Variants in GPAT3 observed in about 807,000 individuals in gnomAD.
GPAT3 encodes the protein 1-AGP acyltransferase 9.
Under a neutral mutation model 58.8 loss-of-function variants are expected in GPAT3, and 53 were observed. The ratio of observed to expected loss-of-function variants is 0.90; its 90% CI spans 0.72 to 1.13. GPAT3 has a LOEUF of 1.13. Among genes scored for constraint, GPAT3 ranks in the 50% most tolerant of loss-of-function variants. The pLI is 0.00. For missense variants in GPAT3, 511 were observed against 527.6 expected (o/e 0.97, Z 0.31); for synonymous variants, 197 against 187.4 (o/e 1.05, Z -0.42).
intron 2 of GPAT3, among the ~76,000 whole-genome samples, chr4:83,563,709 GACTTCAGGTGACC>G (rs1725272675): frequency 6.6e-6 from 1 of 151,906 alleles, no homozygotes. Flanking sequence ...TCGAACTCCT[GACTTCAGGTGACC>G]CACCCGCCTT....
chr4:83,593,897 G>T (rs527789785), intron 6 of GPAT3, among the ~76,000 whole-genome samples: 7 of 152,070 alleles, frequency 4.6e-5, no homozygotes, highest in Non-Finnish European at 1.0e-4. Flanking sequence ...AATATGTAGG[G>T]TATCAATATG....
Position 83,581,717 on chromosome 4 carries a change from G to A in GPAT3, c.364G>A (p.Val122Met), listed in dbSNP as rs1726137489. 2 of 1,614,216 alleles carry A rather than the reference G, an allele frequency of 1.2e-6. No individual in the cohort carries two copies. The change falls in exon 3 of 12, where the codon GTG becomes ATG. Residue 122 changes from valine to methionine, a missense_variant. By Grantham distance (21) the Val-to-Met change is conservative. Coordinates refer to ENST00000264409, the MANE Select transcript of GPAT3 (RefSeq NM_032717.5). ...CCAGAGGTTTTCCTCAGAGGAGCTA[G>A]TGTCATGGAATCTCCTCACAAGAAC... Reference protein sequence around the residue: ...VTQRFSSEELVSWNLLTRTNV... With the variant: ...VTQRFSSEELMSWNLLTRTNV...
chr4:83,587,260 C>A lies in GPAT3; in HGVS notation c.485C>A (p.Thr162Asn). The A allele has an allele frequency of 6.2e-7, 1 of 1,613,400 alleles. No homozygotes were observed. Among genetic ancestry groups the A allele is most frequent in the Non-Finnish European group, 8.5e-7 (1 of 1,179,770 alleles). ...RYCVLLPLRV[T>N]LAFIGISLLV... ...CCCTCTCTTTTCTTTTTCAGGGTTA[C>A]CTTGGCTTTCATTGGGATCAGTTTG... Residue 162 changes from threonine (T) to asparagine (N), a missense_variant, in exon 4 of 12, where the codon ACC becomes AAC. By Grantham distance (65) the Thr-to-Asn change is moderately conservative (BLOSUM62 0). Transcript: ENST00000264409.
intron 2 of GPAT3, among the ~76,000 whole-genome samples, chr4:83,568,510 C>CTT (rs149388912): frequency 7.1e-5 from 10 of 141,712 alleles, no homozygotes; most frequent in Admixed American, 1.4e-4. Flanking sequence ...TTTGTATTCA[C>CTT]TTTTTTTTTT....
chr4:83,584,646 C>T (rs1274699523), intron 3 of GPAT3, among the ~76,000 whole-genome samples: 1 of 152,222 alleles, frequency 6.6e-6, no homozygotes, highest in African/African-American at 2.4e-5. Context: ...GCTGGAATTA[C>T]AGGCATGTGC....
chr4:83,578,255 T>A (rs1725892601), intron 2 of GPAT3, among the ~76,000 whole-genome samples: 1 of 152,248 alleles, frequency 6.6e-6, no homozygotes, highest in Non-Finnish European at 1.5e-5. Context: ...TAATTTTTTG[T>A]ATGTCTTAAT....
intron 2 of GPAT3, among the ~76,000 whole-genome samples, chr4:83,547,102 G>C (rs1042029908): frequency 6.6e-6 from 1 of 151,990 alleles, no homozygotes; most frequent in Non-Finnish European, 1.5e-5. Context: ...GTTTAGGCAA[G>C]GGTCACAGGC....
chr4:83,572,756 A>C (rs1312857370), intron 2 of GPAT3, among the ~76,000 whole-genome samples: 4 of 152,232 alleles, frequency 2.6e-5, no homozygotes, highest in African/African-American at 9.6e-5. Flanking sequence ...ACAATATAAA[A>C]ATTTAAAAAT....
rs1226434063 is a variant in GPAT3 at position 83,541,486 on chromosome 4, C to A, written c.142-3050C>A. ...GACTCAAGGGATTTTCCTGCCTTGG[C>A]CTCCCAAAGTATTGTGATTATAGGC... On this transcript the variant is annotated intron_variant, in intron 1 of 11. Transcript: ENST00000264409. 2.0e-5 allele frequency among the ~76,000 whole-genome samples: 3 copies of A among 147,174 alleles called. No homozygotes were observed. The Admixed American group carries it at 2.1e-4, about 10-fold the overall frequency.
chr4:83,594,278 G>A (rs765706205), intron 6 of GPAT3, among the ~76,000 whole-genome samples: 3 of 151,882 alleles, frequency 2.0e-5, no homozygotes, highest in Non-Finnish European at 4.4e-5. Context: ...CTAATATTTT[G>A]CCATAACAAG....
At chr4:83,566,554 GAGCCACTACGCCC>G (rs1725395800) in intron 2 of GPAT3, among the ~76,000 whole-genome samples, 1 of 151,318 alleles carries the variant, frequency 6.6e-6, no homozygotes, top group Admixed American at 6.6e-5. Flanking sequence ...TTACAGGTGT[GAGCCACTACGCCC>G]GGCCTCCTAT....
intron 2 of GPAT3, among the ~76,000 whole-genome samples, chr4:83,562,545 C>G (rs1339196103): frequency 2.0e-5 from 3 of 151,626 alleles, no homozygotes; most frequent in African/African-American, 7.3e-5. Context: ...GGTGGAGTTT[C>G]CTAGCAGCCA....
intron 2 of GPAT3, among the ~76,000 whole-genome samples, chr4:83,565,306 G>A (rs1369518843): frequency 6.6e-6 from 1 of 151,704 alleles, no homozygotes; most frequent in Non-Finnish European, 1.5e-5. Flanking sequence ...TCACCATGTT[G>A]ACCGGGCTGG....
At chr4:83,603,657 G>A (rs191636453) in intron 11 of GPAT3, among the ~76,000 whole-genome samples, 24 of 152,026 alleles carry the variant, frequency 1.6e-4, no homozygotes, top group Non-Finnish European at 2.8e-4. Context: ...GGGCCTGTTG[G>A]TGCATGCCTG....
intron 2 of GPAT3, among the ~76,000 whole-genome samples, chr4:83,568,593 C>T (rs1056359452): frequency 2.0e-5 from 3 of 151,848 alleles, no homozygotes; most frequent in Non-Finnish European, 4.4e-5. Context: ...TTGCAAGCTC[C>T]GCCTCCCAGA....
At chr4:83,601,613 G>T (rs1350658043) in intron 11 of GPAT3, among the ~76,000 whole-genome samples, 1 of 152,140 alleles carries the variant, frequency 6.6e-6, no homozygotes, top group Non-Finnish European at 1.5e-5. Flanking sequence ...AAATTAGCTG[G>T]GCGCCATGGC....
chr4:83,540,155 TAAAAAAA>T (rs58697347), intron 1 of GPAT3, among the ~76,000 whole-genome samples: 3 of 94,280 alleles, frequency 3.2e-5, no homozygotes, highest in Non-Finnish European at 6.9e-5. Context: ...AGACTCCATC[TAAAAAAA>T]AAAAAAAAAA....
At position 83,536,130 on chromosome 4, in the gene GPAT3, C is replaced by T. The variant is rs1724070003; in HGVS notation, c.-493C>T. On this transcript the variant is annotated 5_prime_UTR_variant, in exon 1 of 12. Coordinates refer to ENST00000264409, the MANE Select transcript of GPAT3 (RefSeq NM_032717.5). Reference sequence around the variant, plus strand: ...GCCAGCTTCCAGCACAGCCCGCGGCCCGGTGCCAGCTCCGCCGGCGACCGG... The same window carrying T: ...GCCAGCTTCCAGCACAGCCCGCGGCTCGGTGCCAGCTCCGCCGGCGACCGG... 1 of 985,854 alleles carries T rather than the reference C, an allele frequency of 1.0e-6. No homozygotes were observed. The highest frequency in any genetic ancestry group is 1.2e-6 in the Non-Finnish European group (1 of 830,174). The allele number at this position is 985,854 out of a possible 1,614,324, so 61.1% of individuals were successfully genotyped here.
chr4:83,598,486 T>G (rs781434), intron 10 of GPAT3, 158 bp from the exon 11 acceptor site: 483,503 of 786,752 alleles, frequency 0.61, 150,155 homozygotes, highest in African/African-American at 0.76. Flanking sequence ...GCATTTTCTT[T>G]ATAGAACAAA....
Sources: gnomAD v4.1 joint callset for allele counts (sites outside exome capture counted in the v4.1 genomes callset) on GRCh38, gnomAD v4.1.1 for gene constraint, MANE v1.5 for transcripts, NCBI Gene and HGNC (gene_info 2026-07-23, HGNC 2026-07-21) for gene names.